Variants in PEX5L observed in about 807,000 individuals in gnomAD.
PEX5L encodes peroxisomal biogenesis factor 5 like.
In PEX5L, 30 loss-of-function variants were observed where a neutral mutation model predicts 84.0. That is an observed-to-expected ratio of 0.36 (90% CI 0.27 to 0.48). The LOEUF is 0.48. Among genes scored for constraint, PEX5L ranks in the 20% least tolerant of loss-of-function variants. PEX5L has a pLI of 0.99. For synonymous variants in PEX5L, 270 were observed against 283.1 expected (o/e 0.95, Z 0.46); for missense variants, 533 against 754.6 (o/e 0.71, Z 3.44).
rs578145416 is a variant in PEX5L at position 179,877,403 on chromosome 3, A to T, written c.506-1926T>A. Among the ~76,000 whole-genome samples the T allele has an allele frequency of 2.0e-5, 3 of 152,356 alleles. 1 individual carries two copies. The South Asian group carries it at 6.2e-4, about 32-fold the overall frequency. ...CCTTTTCATAGGACATTTTCTCAGA[A>T]GCAGAGAAATAAATGTTCATCATTT... is the stretch of plus-strand genomic sequence containing the variant. On this transcript the variant is annotated intron_variant, in intron 5 of 14. Coordinates refer to ENST00000467460, the MANE Select transcript of PEX5L (RefSeq NM_016559.3).
chr3:179,859,574 C>T (rs530642977), intron 7 of PEX5L, among the ~76,000 whole-genome samples: 1 of 152,314 alleles, frequency 6.6e-6, no homozygotes, highest in Non-Finnish European at 1.5e-5. Context: ...GGAAGATCAG[C>T]CTCCGGTTAA....
At position 179,801,309 on chromosome 3, in the gene PEX5L, T is replaced by C. The variant is rs1317821169; in HGVS notation, c.*519A>G. On this transcript the variant is annotated 3_prime_UTR_variant, in exon 15 of 15. Transcript: ENST00000467460. ...GGAATCAAAGGGCTACAGTAAAAGT[T>C]AAAATTGGAACAGGTTTAAGCAATG... The C allele has an allele frequency of 6.5e-6, 1 of 154,450 alleles. No individual in the cohort carries two copies. Among genetic ancestry groups the C allele is most frequent in the Non-Finnish European group, 1.4e-5 (1 of 69,224 alleles). The allele number at this position is 154,450 out of a possible 1,614,324, so 9.6% of individuals were successfully genotyped here. A position where few individuals can be genotyped will look rare whatever the true frequency, so the allele number is the denominator to read the frequency against.
At chr3:179,836,093 T>C (rs777218478) in intron 8 of PEX5L, among the ~76,000 whole-genome samples, 13 of 152,216 alleles carry the variant, frequency 8.5e-5, no homozygotes, top group Non-Finnish European at 1.8e-4. Flanking sequence ...TCAGTATATC[T>C]TATTTTAGGT....
chr3:179,943,689 G>A (rs1276883623), intron 2 of PEX5L, among the ~76,000 whole-genome samples: 4 of 152,222 alleles, frequency 2.6e-5, no homozygotes, highest in African/African-American at 7.2e-5. Context: ...CACTAAGCAC[G>A]TGACATCTGT....
At chr3:179,957,200 T>C (rs1421455541) in intron 2 of PEX5L, among the ~76,000 whole-genome samples, 2 of 152,148 alleles carry the variant, frequency 1.3e-5, no homozygotes, top group Non-Finnish European at 2.9e-5. Context: ...AGTGAGAGTA[T>C]GCAAAATGAA....
chr3:179,866,286 C>A (rs150027837), intron 7 of PEX5L, among the ~76,000 whole-genome samples: 1 of 152,264 alleles, frequency 6.6e-6, no homozygotes, highest in East Asian at 1.9e-4. Flanking sequence ...AAAAAGGAAT[C>A]TGTTTAACTG....
At chr3:179,974,166 A>G in intron 1 of PEX5L, 2 of 985,508 alleles carry the variant, frequency 2.0e-6, no homozygotes, top group African/African-American at 1.7e-5. Flanking sequence ...GTCAAGCACA[A>G]AAAGCAAGTC....
intron 2 of PEX5L, among the ~76,000 whole-genome samples, chr3:179,959,668 A>T (rs9873162): frequency 0.78 from 118,841 of 152,070 alleles, 47,004 homozygotes; most frequent in East Asian, 0.96. Context: ...GAAAAATTAT[A>T]TTTTTTCATA....
intron 8 of PEX5L, among the ~76,000 whole-genome samples, chr3:179,822,678 G>A (rs1016089447): frequency 3.9e-5 from 6 of 152,196 alleles, no homozygotes; most frequent in Admixed American, 1.3e-4. Flanking sequence ...TAACTGAGGG[G>A]ATTTTATTTA....
intron 2 of PEX5L, among the ~76,000 whole-genome samples, chr3:179,912,548 G>A (rs1342745543): frequency 1.3e-5 from 2 of 152,032 alleles, no homozygotes; most frequent in Non-Finnish European, 2.9e-5. Flanking sequence ...ACTTTTAAAA[G>A]GTTCTCAGAA....
At chr3:179,902,346 T>C (rs2109041425) in intron 2 of PEX5L, among the ~76,000 whole-genome samples, 1 of 152,334 alleles carries the variant, frequency 6.6e-6, no homozygotes, top group Admixed American at 6.5e-5. Context: ...CCTCTCTGAC[T>C]GCCATAAATG....
chr3:179,864,293 C>T (rs1349964565), intron 7 of PEX5L, among the ~76,000 whole-genome samples: 1 of 151,950 alleles, frequency 6.6e-6, no homozygotes, highest in Non-Finnish European at 1.5e-5. Flanking sequence ...GTCTGTCTAT[C>T]GATGGAAGGA....
intron 1 of PEX5L, among the ~76,000 whole-genome samples, chr3:180,005,695 C>T (rs1788824171): frequency 6.6e-6 from 1 of 151,610 alleles, no homozygotes; most frequent in African/African-American, 2.4e-5. Context: ...CGCCACTGCA[C>T]TCCAGCCTGG....
intron 8 of PEX5L, among the ~76,000 whole-genome samples, chr3:179,821,239 T>C (rs1280678808): frequency 6.6e-6 from 1 of 152,212 alleles, no homozygotes; most frequent in African/African-American, 2.4e-5. Flanking sequence ...CTTTATTTTC[T>C]TTAAACAAAC....
intron 14 of PEX5L, among the ~76,000 whole-genome samples, chr3:179,803,104 G>C (rs1433728583): frequency 6.6e-6 from 1 of 152,168 alleles, no homozygotes; most frequent in Non-Finnish European, 1.5e-5. Context: ...CATGCTTACA[G>C]TGGAATTTTC....
rs111845561 is a variant in PEX5L at position 180,007,927 on chromosome 3, G to T, written c.21+28652C>A. ...TGTGATGGGAGGGACTGCCATGAAG[G>T]TCTCTGACATGGCCTGGAGACTTTT... On this transcript the variant is annotated intron_variant, in intron 1 of 14. Coordinates refer to ENST00000467460, the MANE Select transcript of PEX5L (RefSeq NM_016559.3). Among the ~76,000 whole-genome samples the T allele has an allele frequency of 8.8e-3, 1,343 of 152,338 alleles. 16 individuals are homozygous for T. The highest frequency in any genetic ancestry group is 0.031 in the African/African-American group (1,279 of 41,578).
chr3:179,888,134 C>A, intron 3 of PEX5L: 1 of 1,291,096 alleles, frequency 7.7e-7, no homozygotes, highest in African/African-American at 1.5e-5. Context: ...ACAAAAGCTC[C>A]TACTGAGACC....
chr3:179,970,162 A>G (rs1358523594), intron 2 of PEX5L, among the ~76,000 whole-genome samples: 1 of 152,142 alleles, frequency 6.6e-6, no homozygotes, highest in Non-Finnish European at 1.5e-5. Context: ...AAAGAATTTA[A>G]CTTCTATATG....
chr3:179,877,453 ATATAT>A (rs1167983942), intron 5 of PEX5L, among the ~76,000 whole-genome samples: 1 of 152,122 alleles, frequency 6.6e-6, no homozygotes, highest in Non-Finnish European at 1.5e-5. Context: ...TTATATTGTA[ATATAT>A]TAATATATTC....
Sources: gnomAD v4.1 joint callset for allele counts (sites outside exome capture counted in the v4.1 genomes callset) on GRCh38, gnomAD v4.1.1 for gene constraint, MANE v1.5 for transcripts, NCBI Gene and HGNC (gene_info 2026-07-23, HGNC 2026-07-21) for gene names.